The following PLEC variants were observed in gnomAD, a reference collection of about 807,000 sequenced individuals.
PLEC encodes plectin.
Under a neutral mutation model 392.8 loss-of-function variants are expected in PLEC, and 216 were observed. The ratio of observed to expected loss-of-function variants is 0.55; its 90% confidence interval spans 0.49 to 0.62. PLEC has a LOEUF of 0.62. Among genes scored for constraint, PLEC ranks in the 20% least tolerant of loss-of-function variants. The pLI, the probability that PLEC is intolerant of heterozygous loss-of-function variation, is 0.00. For missense variants in PLEC, 6,863 were observed against 6,563.4 expected, an observed-to-expected ratio of 1.05 and a Z score of -1.58; for synonymous variants, 3,621 against 2,980.6, an observed-to-expected ratio of 1.21 and a Z score of -7.00.
At chr8:143,953,974 C>T (rs530148898), upstream of PLEC, 16 of 1,244,682 alleles carry the variant, frequency 1.3e-5, no homozygotes, top group South Asian at 1.4e-4. Context: ...GCGCACCCCT[C>T]CCCCCCAGCC....
rs368280705 is a variant in PLEC at position 143,927,681 on chromosome 8, C to T, written c.3485G>A (p.Arg1162Gln). The T allele has an allele frequency of 1.6e-5, 25 of 1,580,312 alleles. No individual in the cohort carries two copies. The Middle Eastern group carries it at 1.7e-3, about 105-fold the overall frequency. Residue 1162 changes from arginine to glutamine, a missense_variant, in exon 27 of 32, where the codon CGA becomes CAA. Transcript: ENST00000345136. ...CCGCTCCCCGTGCCGCTGCTGCAGT[C>T]GCTCCCCCACCTCCTGTGCCCCCCG... ...ELRGAQEVGE[R>Q]LQQRHGERDV...
rs782699278 is a variant in PLEC, at chr8:143,920,949, T to C, written c.8872A>G (p.Ile2958Val). ...GRITVEKIIK[I>V]IITVVEEQEQ... ...TGCTCCTCCACCACCGTGATGATGA[T>C]CTTGATGATCTTCTCCACTGTGATC... is the stretch of plus-strand genomic sequence containing the variant. The change falls in exon 32 of 32, where the codon ATC (isoleucine) becomes GTC (valine). Residue 2958 changes from isoleucine to valine, a missense_variant. Physicochemically the swap from Ile to Val is conservative, Grantham distance 29 (BLOSUM62 3). Coordinates refer to ENST00000345136, the MANE Select transcript of PLEC (RefSeq NM_201384.3). 3.1e-6 allele frequency: 5 copies of C among 1,612,978 alleles called. No homozygotes were observed. The Admixed American group carries it at 8.3e-5, about 27-fold the overall frequency.
At position 143,973,488 on chromosome 8, in the gene PLEC, G is replaced by T. The variant is rs1554745015; in HGVS notation, c.-16C>A. On this transcript the variant is annotated 5_prime_UTR_variant, in exon 1 of 32. Transcript: ENST00000356346. The surrounding 1 kb of genome is among the most constrained non-coding windows in gnomAD (Gnocchi z 5.6). ...GGCCGGCCATGCCGGCGGGCGCGGGGCGCGGGGTGCAGCGGAGCCTCCAGC... is the reference window on the plus strand; with the variant it reads ...GGCCGGCCATGCCGGCGGGCGCGGGTCGCGGGGTGCAGCGGAGCCTCCAGC... 1 of 1,502,870 alleles carries T rather than the reference G, an allele frequency of 6.7e-7. No individual in the cohort carries two copies. Among genetic ancestry groups the T allele is most frequent in the South Asian group, 1.2e-5 (1 of 80,128 alleles). The allele number at this position is 1,502,870 out of a possible 1,614,324, so 93.1% of individuals were successfully genotyped here.
At chr8:143,944,714 G>A in intron 1 of PLEC, 6 of 1,293,504 alleles carry the variant, frequency 4.6e-6, no homozygotes, top group Non-Finnish European at 5.9e-6. Flanking sequence ...CCAGGGGTGT[G>A]GGAGGTCACA....
chr8:143,952,389 G>C (rs576465130), upstream of PLEC, among the ~76,000 whole-genome samples: 6 of 152,276 alleles, frequency 3.9e-5, no homozygotes, highest in South Asian at 6.2e-4. Flanking sequence ...AGGAGGTGAG[G>C]CTCCAGGAAG....
At chr8:143,944,498 C>T (rs1554731021), upstream of PLEC, 6 of 474,938 alleles carry the variant, frequency 1.3e-5, no homozygotes, top group African/African-American at 2.0e-5. Flanking sequence ...CAGACCAGGG[C>T]TGAGGGGGTC....
chr8:143,935,567 C>G (rs1330350341), intron 6 of PLEC, among the ~76,000 whole-genome samples: 2 of 152,228 alleles, frequency 1.3e-5, no homozygotes, highest in African/African-American at 4.8e-5. Context: ...TGCAGCCACC[C>G]TCCCCACCAG....
chr8:143,926,656 G>C, intron 30 of PLEC, 128 bp downstream of exon 30: 1 of 825,804 alleles, frequency 1.2e-6, no homozygotes, highest in Non-Finnish European at 2.1e-6. Flanking sequence ...AGGGGGTGCT[G>C]GCAGCGCCAG....
In PLEC at chr8:143,916,104, G is replaced by A. The variant is rs368999675; in HGVS notation, c.*73C>T. On this transcript the variant is annotated 3_prime_UTR_variant, in exon 32 of 32. Transcript: ENST00000345136. The stretch of plus-strand genomic sequence containing the variant: ...ACTTGGGAGGAAGACACCTTTAAGC[G>A]TTGAAAACGGCCCCCGCGCCTCGGT... The A allele has an allele frequency of 2.5e-4, 277 of 1,113,308 alleles. 3 individuals carry two copies. The African/African-American group carries it at 3.8e-3, about 15-fold the overall frequency. The allele number at this position is 1,113,308 out of a possible 1,614,324, so 69.0% of individuals were successfully genotyped here.
At chr8:143,931,712 C>G in intron 18 of PLEC, 53 bp from the exon 19 acceptor site, 1 of 1,570,454 alleles carries the variant, frequency 6.4e-7, no homozygotes, top group Non-Finnish European at 8.6e-7. Flanking sequence ...GAGCCCCAGC[C>G]CACAGTTGTC....
chr8:143,927,239 G>A lies in PLEC; in HGVS notation c.3840+13C>T, dbSNP rs369740492. The A allele has an allele frequency of 6.5e-5, 105 of 1,611,516 alleles. 1 individual carries two copies. Among genetic ancestry groups the A allele is most frequent in the South Asian group, 5.9e-4 (54 of 91,064 alleles). ...CCCGGACTTGGGGCCTGGTGCAGGC[G>A]GCTGGGCCTCACCTTGATGGCGTTG... On this transcript the variant is annotated intron_variant, in intron 28 of 31. Coordinates refer to ENST00000345136, the MANE Select transcript of PLEC (RefSeq NM_201384.3).
At chr8:143,944,098 C>T (rs1831042972), upstream of PLEC, 2 of 662,120 alleles carry the variant, frequency 3.0e-6, no homozygotes, top group African/African-American at 1.9e-5. Context: ...GGGTCCGGCC[C>T]TCGGCGCCTC....
chr8:143,943,996 G>A (rs770825114), upstream of PLEC: 81 of 1,520,774 alleles, frequency 5.3e-5, no homozygotes, highest in Admixed American at 1.0e-3. Context: ...GGGGAGCGCC[G>A]GGACCGGAGC....
At position 143,933,015 on chromosome 8, in the gene PLEC, C is replaced by G; in HGVS notation, c.1515G>C (p.Gln505His). The stretch of plus-strand genomic sequence containing the variant: ...GCCTCTGCACACTCTGCAGAGTCAC[C>G]TGGGCCACCTGGGTTGCAGGGGCCG... ...GVAAPATQVAQVTLQSVQRRP... is the reference protein window; with the variant it reads ...GVAAPATQVAHVTLQSVQRRP... Residue 505 changes from glutamine (Q) to histidine (H), a missense_variant, in exon 14 of 32, where the codon CAG becomes CAC. Physicochemically the swap from Gln to His is conservative, Grantham distance 24. Transcript: ENST00000345136. The G allele has an allele frequency of 6.2e-7, 1 of 1,603,632 alleles. No individual in the cohort carries two copies. The highest frequency in any genetic ancestry group is 8.5e-7 in the Non-Finnish European group (1 of 1,176,236).
chr8:143,953,710 G>C (rs1554738132), upstream of PLEC: 3 of 1,609,120 alleles, frequency 1.9e-6, no homozygotes, highest in Non-Finnish European at 1.7e-6. Flanking sequence ...GCTCGGGCCC[G>C]GCCCCAGGAC....
upstream of PLEC, chr8:143,939,676 G>C (rs1401394043): frequency 1.4e-6 from 2 of 1,389,696 alleles, no homozygotes; most frequent in Non-Finnish European, 9.3e-7. Context: ...TGCCCAGGCC[G>C]CCGCCAGGGA....
In PLEC at chr8:143,925,049, G is replaced by C. The variant is rs1554700425; in HGVS notation, c.4880C>G (p.Ala1627Gly). Residue 1627 changes from alanine (A) to glycine (G), a missense_variant, in exon 31 of 32, where the codon GCA becomes GGA. Coordinates refer to ENST00000345136, the MANE Select transcript of PLEC (RefSeq NM_201384.3). ...CTGCCAGCGCTCCAGCTCCCGCTCT[G>C]CCTCCTCGCGCGCCCGCTCGGCCTC... ...QAEAERAREE[A>G]ERELERWQLK... 1.3e-6 allele frequency: 2 copies of C among 1,547,496 alleles called. No homozygotes were observed. Among genetic ancestry groups the C allele is most frequent in the Middle Eastern group, 1.7e-4 (1 of 5,730 alleles).
intron 1 of PLEC, among the ~76,000 whole-genome samples, chr8:143,970,203 G>T (rs774173437): frequency 7.2e-5 from 11 of 152,066 alleles, no homozygotes; most frequent in Non-Finnish European, 1.5e-4. Context: ...ATCTGCAGTG[G>T]TTGGTGCTCA....
upstream of PLEC, among the ~76,000 whole-genome samples, chr8:143,951,959 T>C (rs1415947037): frequency 6.7e-6 from 1 of 149,242 alleles, no homozygotes; most frequent in Non-Finnish European, 1.5e-5. Context: ...CTGTGCTCCA[T>C]GGACCCCCAC....
Sources: gnomAD v4.1 joint callset for allele counts (sites outside exome capture counted in the v4.1 genomes callset) on GRCh38, gnomAD v4.1.1 for gene constraint, Gnocchi (gnomAD v3.1) non-coding constraint, MANE v1.5 for transcripts, NCBI Gene and HGNC (gene_info 2026-07-23, HGNC 2026-07-21) for gene names.